Variants in SPAST observed in about 807,000 individuals in gnomAD.
SPAST encodes spastic paraplegia 4 (autosomal dominant; spastin).
SPAST carries 30 observed loss-of-function variants against 76.6 expected under a neutral mutation model. The ratio of observed to expected loss-of-function variants is 0.39; its 90% CI spans 0.29 to 0.53. SPAST has a LOEUF of 0.53. SPAST is among the 20% of genes least tolerant of loss of function. The pLI, the probability that SPAST is intolerant of heterozygous loss-of-function variation, is 0.68. For synonymous variants in SPAST, 305 were observed against 281.0 expected, an observed-to-expected ratio of 1.09 and a Z score of -0.86; for missense variants, 717 against 770.5, an observed-to-expected ratio of 0.93 and a Z score of 0.82.
At position 32,116,220 on chromosome 2, in the gene SPAST, CT is replaced by C; in HGVS notation, c.1098+11del. On this transcript the variant is annotated intron_variant, in intron 7 of 16. Coordinates refer to ENST00000315285, the MANE Select transcript of SPAST (RefSeq NM_014946.4). ...CCTTCTCTGAGGCCTGAGGTAAGAACTTTATATTATCATTTTTCTATAATAC... is the reference window on the plus strand; with the variant it reads ...CCTTCTCTGAGGCCTGAGGTAAGAACTTATATTATCATTTTTCTATAATAC... The C allele has an allele frequency of 6.3e-7, 1 of 1,574,908 alleles. No individual in the cohort carries two copies. Among genetic ancestry groups the C allele is most frequent in the Non-Finnish European group, 8.7e-7 (1 of 1,144,762 alleles).
At chr2:32,111,516 T>C (rs573032576) in intron 4 of SPAST, among the ~76,000 whole-genome samples, 4 of 151,324 alleles carry the variant, frequency 2.6e-5, no homozygotes, top group African/African-American at 9.7e-5. Flanking sequence ...AAACCATAGC[T>C]AAGATTTTTA....
At chr2:32,073,535 G>T (rs963926269) in intron 1 of SPAST, among the ~76,000 whole-genome samples, 3 of 151,694 alleles carry the variant, frequency 2.0e-5, no homozygotes, top group African/African-American at 7.3e-5. Flanking sequence ...TTGCCGTATT[G>T]CCCAGGCTGG....
chr2:32,097,683 T>G (rs1020983144), intron 3 of SPAST, among the ~76,000 whole-genome samples: 2 of 143,310 alleles, frequency 1.4e-5, no homozygotes, highest in East Asian at 4.2e-4. Flanking sequence ...GAAATGTCCT[T>G]TTTTTTTTTC....
chr2:32,083,761 TATATATA>T (rs1677350183), intron 1 of SPAST, among the ~76,000 whole-genome samples: 1 of 94,216 alleles, frequency 1.1e-5, no homozygotes. Context: ...TATATATATA[TATATATA>T]TATATATATT....
chr2:32,066,626 C>A (rs1676521821), intron 1 of SPAST, among the ~76,000 whole-genome samples: 1 of 151,778 alleles, frequency 6.6e-6, no homozygotes, highest in South Asian at 2.1e-4. Flanking sequence ...CGAGATCGTG[C>A]CACTACACTC....
intron 4 of SPAST, among the ~76,000 whole-genome samples, chr2:32,111,279 AC>A (rs1558320706): frequency 9.8e-6 from 1 of 102,450 alleles, no homozygotes; most frequent in Non-Finnish European, 2.1e-5. Context: ...TATACAGTAT[AC>A]TATATAGTGT....
In SPAST at chr2:32,063,738, GT is replaced by G; in HGVS notation, c.-93del. The G allele has an allele frequency of 2.1e-5, 31 of 1,480,830 alleles. 2 individuals are homozygous for G. The South Asian group carries it at 3.9e-4, about 18-fold the overall frequency. 91.7% of individuals were successfully genotyped at this position (1,480,830 alleles called of 1,614,324 possible). A position where few individuals can be genotyped will look rare whatever the true frequency, so the allele number is the denominator to read the frequency against. On this transcript the variant is annotated 5_prime_UTR_variant, in exon 1 of 17. Coordinates refer to ENST00000315285, the MANE Select transcript of SPAST (RefSeq NM_014946.4). Reference sequence around the variant, plus strand: ...GAGACCGGCGGGCACACGGGGGTCTGTGGCCCCCGCCGTAGCAGTGGCTGCC... The same window carrying G: ...GAGACCGGCGGGCACACGGGGGTCTGGGCCCCCGCCGTAGCAGTGGCTGCC...
chr2:32,145,653 T>G (rs1191616338), intron 15 of SPAST, among the ~76,000 whole-genome samples: 2 of 129,798 alleles, frequency 1.5e-5, no homozygotes, highest in East Asian at 6.7e-4. Context: ...ACTTTTTTAA[T>G]TATATCTTTT....
At chr2:32,141,089 T>C (rs1679705430) in intron 12 of SPAST, among the ~76,000 whole-genome samples, 1 of 152,140 alleles carries the variant, frequency 6.6e-6, no homozygotes. Context: ...GAGTAGTCCA[T>C]GTATACACTA....
In SPAST at chr2:32,068,083, A is replaced by G. The variant is rs1676596647; in HGVS notation, c.415+3837A>G. 2.0e-5 allele frequency among the ~76,000 whole-genome samples: 3 copies of G among 148,026 alleles called. 1 individual carries two copies. In the South Asian group the frequency reaches 6.3e-4, roughly 31 times the overall value. ...TAGCTCCGCCTCCCGGGTTCACGCCATTCTCCTGCCTCAGCTTCCCGAGTA... is the reference window on the plus strand; with the variant it reads ...TAGCTCCGCCTCCCGGGTTCACGCCGTTCTCCTGCCTCAGCTTCCCGAGTA... On this transcript the variant is annotated intron_variant, in intron 1 of 16. Coordinates refer to ENST00000315285, the MANE Select transcript of SPAST (RefSeq NM_014946.4).
At chr2:32,148,813 A>AAG (rs1679981014) in intron 16 of SPAST, among the ~76,000 whole-genome samples, 1 of 150,412 alleles carries the variant, frequency 6.6e-6, no homozygotes, top group Admixed American at 6.6e-5. Context: ...TCCATCTCAA[A>AAG]AAAAAAAAAA....
chr2:32,151,245 A>T (rs1260365406), intron 16 of SPAST, among the ~76,000 whole-genome samples: 1 of 152,016 alleles, frequency 6.6e-6, no homozygotes, highest in Non-Finnish European at 1.5e-5. Flanking sequence ...GCCTGGCTCT[A>T]CTATATACTT....
At chr2:32,102,054 A>T (rs1678146231) in intron 4 of SPAST, among the ~76,000 whole-genome samples, 1 of 152,188 alleles carries the variant, frequency 6.6e-6, no homozygotes, top group African/African-American at 2.4e-5. Flanking sequence ...GAATCTATAA[A>T]TTACCTTGGG....
chr2:32,122,018 T>C (rs924984852), intron 7 of SPAST, among the ~76,000 whole-genome samples: 3 of 152,220 alleles, frequency 2.0e-5, no homozygotes, highest in Non-Finnish European at 2.9e-5. Context: ...TGTCCACTTA[T>C]ATTACGTGGA....
chr2:32,114,581 G>A (rs1678750098), intron 4 of SPAST, 57 bp from the exon 5 acceptor site: 1 of 1,349,232 alleles, frequency 7.4e-7, no homozygotes. Flanking sequence ...ATGTTTGCTT[G>A]TCTTTATGTT....
intron 1 of SPAST, among the ~76,000 whole-genome samples, chr2:32,065,473 T>C (rs1204999868): frequency 6.6e-6 from 1 of 152,202 alleles, no homozygotes; most frequent in African/African-American, 2.4e-5. Context: ...GTATTATTGG[T>C]ATCAGCATTT....
At chr2:32,121,786 C>T (rs1424128368) in intron 7 of SPAST, among the ~76,000 whole-genome samples, 3 of 152,078 alleles carry the variant, frequency 2.0e-5, no homozygotes, top group African/African-American at 7.2e-5. Flanking sequence ...TCAGGTGATC[C>T]ACCTGCTTTG....
rs946728427 is a variant in SPAST at position 32,143,271 on chromosome 2, TA to T, written c.1537-58del. 3.5e-5 allele frequency: 35 copies of T among 1,005,362 alleles called. No individual in the cohort carries two copies. In the African/African-American group the frequency reaches 5.0e-4, roughly 14 times the overall value. 62.3% of individuals were successfully genotyped at this position (1,005,362 alleles called of 1,614,324 possible). A position where few individuals can be genotyped will look rare whatever the true frequency, so the allele number is the denominator to read the frequency against. On this transcript the variant is annotated intron_variant, in intron 13 of 16. Transcript: ENST00000315285. ...AACAGCACAAGACCCTGTCTCAATA[TA>T]AAAAAAGAAAAGAATCATTAATTCT...
chr2:32,100,320 CTTTTTTT>C (rs77790719), intron 4 of SPAST, among the ~76,000 whole-genome samples: 2 of 128,046 alleles, frequency 1.6e-5, no homozygotes, highest in Admixed American at 1.6e-4. Context: ...TTATTGGTTA[CTTTTTTT>C]TTTTTTTTTT....
Sources: allele counts gnomAD v4.1 joint callset (sites outside exome capture counted in the v4.1 genomes callset), GRCh38; gene constraint gnomAD v4.1.1; transcripts MANE v1.5; gene names NCBI Gene and HGNC (gene_info 2026-07-23, HGNC 2026-07-21).